The following EXOC4 variants were observed in gnomAD, a reference collection of about 807,000 sequenced individuals.
The protein encoded by EXOC4 is exocyst complex component 4, also known as SEC8-like 1.
Under a neutral mutation model 107.2 loss-of-function variants are expected in EXOC4, and 71 were observed. The ratio of observed to expected loss-of-function variants is 0.66; its 90% CI spans 0.55 to 0.81. The LOEUF (loss-of-function observed/expected upper bound fraction) is 0.81, where lower values mean the gene tolerates loss of function less well. Among genes scored for constraint, EXOC4 ranks in the 30% least tolerant of loss-of-function variants. EXOC4 has a pLI of 0.00. For missense variants in EXOC4, 1,108 were observed against 1,189.6 expected (o/e 0.93, Z 1.01); for synonymous variants, 456 against 441.2 (o/e 1.03, Z -0.42).
chr7:133,995,162 C>T (rs1471955313), intron 14 of EXOC4, among the ~76,000 whole-genome samples: 4 of 152,176 alleles, frequency 2.6e-5, no homozygotes, highest in Non-Finnish European at 2.9e-5. Flanking sequence ...TTGCCATAGA[C>T]TTACTCAACT....
chr7:133,603,049 G>C (rs1475696735), intron 9 of EXOC4, among the ~76,000 whole-genome samples: 1 of 152,068 alleles, frequency 6.6e-6, no homozygotes, highest in East Asian at 1.9e-4. Context: ...AAATATGCAG[G>C]ATTTTAGAAA....
chr7:133,473,075 A>G (rs763347080), intron 7 of EXOC4, among the ~76,000 whole-genome samples: 2 of 152,212 alleles, frequency 1.3e-5, no homozygotes, highest in African/African-American at 2.4e-5. Context: ...ATTTATATAC[A>G]TCTTTCTGTG....
At position 134,063,407 on chromosome 7, in the gene EXOC4, G is replaced by A. The variant is rs536456947; in HGVS notation, c.2688-884G>A. Among the ~76,000 whole-genome samples the A allele has an allele frequency of 2.5e-4, 38 of 152,264 alleles. No homozygotes were observed. In the Middle Eastern group the frequency reaches 0.01, roughly 41 times the overall value. On this transcript the variant is annotated intron_variant, in intron 17 of 17. Coordinates refer to ENST00000253861, the MANE Select transcript of EXOC4 (RefSeq NM_021807.4). Reference sequence around the variant, plus strand: ...TATTCTTGTGAGTTGTCAAGTGTCCGTGAAAAAACAGTCTTGAACTTAGAG... The same window carrying A: ...TATTCTTGTGAGTTGTCAAGTGTCCATGAAAAAACAGTCTTGAACTTAGAG...
At chr7:133,409,587 T>C (rs1271934669) in intron 7 of EXOC4, among the ~76,000 whole-genome samples, 3 of 152,214 alleles carry the variant, frequency 2.0e-5, no homozygotes, top group African/African-American at 7.2e-5. Flanking sequence ...CATATGACTT[T>C]CTGCTGTCAT....
intron 15 of EXOC4, among the ~76,000 whole-genome samples, 200 bp from the exon 16 acceptor site, chr7:134,004,712 A>G (rs777439093): frequency 2.4e-4 from 36 of 152,204 alleles, no homozygotes; most frequent in Admixed American, 9.2e-4. Context: ...ATTAAAATGT[A>G]CAAGGCCACA....
chr7:133,772,025 T>G (rs557621448), intron 10 of EXOC4, among the ~76,000 whole-genome samples: 1 of 152,122 alleles, frequency 6.6e-6, no homozygotes, highest in African/African-American at 2.4e-5. Context: ...GCAGCAATCA[T>G]AGGCTGTCAT....
At chr7:133,867,369 T>C (rs1301817544) in intron 11 of EXOC4, among the ~76,000 whole-genome samples, 3 of 152,204 alleles carry the variant, frequency 2.0e-5, no homozygotes, top group Non-Finnish European at 4.4e-5. Flanking sequence ...ACTCAGTAAA[T>C]GTTCAAGTTT....
chr7:133,745,644 A>C (rs190176687), intron 10 of EXOC4, among the ~76,000 whole-genome samples: 1 of 152,180 alleles, frequency 6.6e-6, no homozygotes, highest in African/African-American at 2.4e-5. Context: ...ATTTTTGAAA[A>C]GACTGGAATA....
Position 133,584,574 on chromosome 7 carries a change from G to GTTTTTTTTTTTTTT in EXOC4, c.1418-45461_1418-45460insTTTTTTTTTTTTTT, listed in dbSNP as rs67568218. ...AGGCCTTTGTTTTTTACGTATTTCA[G>GTTTTTTTTTTTTTT]TTTTTTTTTTGTTTTTTTTTTTGAG... On this transcript the variant is annotated intron_variant, in intron 9 of 17. Transcript: ENST00000253861. 4.7e-5 allele frequency among the ~76,000 whole-genome samples: 4 copies of GTTTTTTTTTTTTTT among 84,814 alleles called. 2 individuals carry two copies. Among genetic ancestry groups the GTTTTTTTTTTTTTT allele is most frequent in the Non-Finnish European group, 4.2e-5 (2 of 47,760 alleles). 55.6% of individuals were successfully genotyped at this position (84,814 alleles called of 152,430 possible).
the EXOC4 span, among the ~76,000 whole-genome samples, chr7:134,085,725 C>T: frequency 6.6e-6 from 1 of 152,218 alleles, no homozygotes; most frequent in Non-Finnish European, 1.5e-5. Context: ...GGGTGTAAAA[C>T]TTATCCCTAG....
intron 10 of EXOC4, among the ~76,000 whole-genome samples, chr7:133,749,955 G>GT (rs56902982): frequency 0.053 from 3,287 of 62,128 alleles, 422 homozygotes; most frequent in Admixed American, 0.074. Context: ...GTGGTTGGCA[G>GT]TTTTTTTTTT....
chr7:133,324,729 C>T (rs1455820015), intron 5 of EXOC4, among the ~76,000 whole-genome samples: 6 of 152,166 alleles, frequency 3.9e-5, no homozygotes, highest in Non-Finnish European at 8.8e-5. Flanking sequence ...ATTAGGTCTG[C>T]TTGGTGCAGA....
intron 17 of EXOC4, among the ~76,000 whole-genome samples, chr7:134,008,226 T>G (rs929669275): frequency 2.6e-5 from 4 of 152,224 alleles, no homozygotes; most frequent in African/African-American, 9.6e-5. Context: ...GCTGTGTTGT[T>G]TATGTGACTT....
chr7:133,622,451 A>G (rs1264353707), intron 9 of EXOC4, among the ~76,000 whole-genome samples: 1 of 152,072 alleles, frequency 6.6e-6, no homozygotes, highest in Non-Finnish European at 1.5e-5. Flanking sequence ...GAAGGTGAGG[A>G]TGGGATAAGT....
intron 17 of EXOC4, among the ~76,000 whole-genome samples, chr7:134,020,393 T>C (rs1034579916): frequency 1.3e-5 from 2 of 152,208 alleles, no homozygotes; most frequent in African/African-American, 4.8e-5. Flanking sequence ...CAGGCCATCG[T>C]CTTTCAACCT....
At position 133,895,623 on chromosome 7, in the gene EXOC4, G is replaced by A. The variant is rs376345518; in HGVS notation, c.1759G>A (p.Val587Ile). 3.7e-6 allele frequency: 6 copies of A among 1,613,978 alleles called. No individual in the cohort carries two copies. Among genetic ancestry groups the A allele is most frequent in the African/African-American group, 2.7e-5 (2 of 74,924 alleles). ...GAGCACAATCATTGTGGAGAAGACAGTTCAAGACCTCCTGAACCTGATGCA... is the reference window on the plus strand; with the variant it reads ...GAGCACAATCATTGTGGAGAAGACAATTCAAGACCTCCTGAACCTGATGCA... The part of the protein sequence containing the change: ...LQSTIIVEKT[V>I]QDLLNLMHDL... The change falls in exon 12 of 18, where the codon GTT becomes ATT. Residue 587 changes from valine to isoleucine, a missense_variant. Val to Ile is a conservative substitution (Grantham distance 29, BLOSUM62 3). Coordinates refer to ENST00000253861, the MANE Select transcript of EXOC4 (RefSeq NM_021807.4).
chr7:133,648,040 GA>G lies in EXOC4; in HGVS notation c.1514+17903del, dbSNP rs1286082628. Among the ~76,000 whole-genome samples, 7 of 152,230 alleles carry G rather than the reference GA, an allele frequency of 4.6e-5. No homozygotes were observed. In the East Asian group the frequency reaches 1.4e-3, roughly 29 times the overall value. ...TAGAAATAGTTGGGCCAATTTAGAA[GA>G]AAACATTATGTATTTAATGGGCTAA... On this transcript the variant is annotated intron_variant, in intron 10 of 17. Transcript: ENST00000253861.
chr7:134,100,799 C>T, the EXOC4 span, among the ~76,000 whole-genome samples: 2 of 129,848 alleles, frequency 1.5e-5, 1 homozygote, highest in African/African-American at 5.3e-5. Context: ...CAAAAACTAG[C>T]TGGGCGTGGT....
intron 12 of EXOC4, among the ~76,000 whole-genome samples, chr7:133,908,048 G>T (rs1475506352): frequency 1.3e-5 from 2 of 152,012 alleles, no homozygotes; most frequent in African/African-American, 4.8e-5. Context: ...TGCCCTTCTG[G>T]CCAAATACAG....
Sources: allele counts gnomAD v4.1 joint callset (sites outside exome capture counted in the v4.1 genomes callset), GRCh38; gene constraint gnomAD v4.1.1; transcripts MANE v1.5; gene names NCBI Gene and HGNC (gene_info 2026-07-23, HGNC 2026-07-21).